CNTNAP3B: variants seen among roughly 807,000 people sequenced by gnomAD.
The protein encoded by CNTNAP3B is contactin-associated protein-like 3B.
In CNTNAP3B, 25 loss-of-function variants were observed where a neutral mutation model predicts 108.9. That is an observed-to-expected ratio of 0.23 (90% CI 0.17 to 0.32). The LOEUF (loss-of-function observed/expected upper bound fraction) is 0.32. CNTNAP3B is among the 10% of genes least tolerant of loss of function. The pLI, the probability that CNTNAP3B is intolerant of heterozygous loss-of-function variation, is 1.00. For synonymous variants in CNTNAP3B, 103 were observed against 473.4 expected (o/e 0.22, Z 10.16); for missense variants, 252 against 1,210.4 (o/e 0.21, Z 11.75).
chr9:41,961,881 G>C (rs1825103258), intron 11 of CNTNAP3B, among the ~76,000 whole-genome samples: 1 of 152,304 alleles, frequency 6.6e-6, no homozygotes, highest in African/African-American at 2.4e-5. Context: ...ATCTGCAGGA[G>C]ATGGACATTG....
chr9:41,951,998 A>T (rs1319383621), intron 13 of CNTNAP3B, among the ~76,000 whole-genome samples: 2 of 152,242 alleles, frequency 1.3e-5, no homozygotes, highest in Non-Finnish European at 2.9e-5. Context: ...AATCGCTTGA[A>T]TCCGGGAGGG....
At chr9:41,924,750 T>C (rs1324257022) in intron 15 of CNTNAP3B, among the ~76,000 whole-genome samples, 1 of 152,194 alleles carries the variant, frequency 6.6e-6, no homozygotes, top group African/African-American at 2.4e-5. Context: ...ATTTGTTCCC[T>C]TCTGTCCAAA....
intron 13 of CNTNAP3B, among the ~76,000 whole-genome samples, chr9:41,939,017 C>T (rs1016221180): frequency 6.6e-6 from 1 of 152,246 alleles, no homozygotes; most frequent in African/African-American, 2.4e-5. Context: ...TGCCCTGGGT[C>T]AACTACAGCT....
chr9:42,083,927 AG>A (rs1442516081), intron 2 of CNTNAP3B, among the ~76,000 whole-genome samples: 1 of 112,912 alleles, frequency 8.9e-6, no homozygotes, highest in Admixed American at 9.1e-5. Context: ...CCTACTGTGC[AG>A]GCTGGTGGGA....
At chr9:41,942,236 G>A (rs1244136390) in intron 13 of CNTNAP3B, among the ~76,000 whole-genome samples, 1 of 152,304 alleles carries the variant, frequency 6.6e-6, no homozygotes, top group Non-Finnish European at 1.5e-5. Flanking sequence ...AGCACTTTGG[G>A]AGGCCGAGGC....
intron 2 of CNTNAP3B, among the ~76,000 whole-genome samples, chr9:42,097,528 C>G (rs1473544320): frequency 5.7e-5 from 8 of 139,854 alleles, no homozygotes; most frequent in Non-Finnish European, 9.2e-5. Context: ...TTCCATAAAG[C>G]AGGAACTTTC....
chr9:42,098,726 T>C (rs1446940816), intron 2 of CNTNAP3B, among the ~76,000 whole-genome samples: 1 of 122,424 alleles, frequency 8.2e-6, no homozygotes, highest in Non-Finnish European at 1.7e-5. Context: ...TCATATTCAC[T>C]GAATACAAGT....
chr9:41,995,496 G>A lies in CNTNAP3B; in HGVS notation c.1071+709C>T, dbSNP rs1250254701. ...TGCGCCTGTGGTCCTATCACTTTGGGAGGCCAAGGTGGGCAGATCACGAGG... is the reference window on the plus strand; with the variant it reads ...TGCGCCTGTGGTCCTATCACTTTGGAAGGCCAAGGTGGGCAGATCACGAGG... On this transcript the variant is annotated intron_variant, in intron 7 of 23. Coordinates refer to ENST00000377561, the MANE Select transcript of CNTNAP3B (RefSeq NM_001201380.3). Among the ~76,000 whole-genome samples, 4 of 134,352 alleles carry A rather than the reference G, an allele frequency of 3.0e-5. 1 individual carries two copies. Among genetic ancestry groups the A allele is most frequent in the Non-Finnish European group, 6.3e-5 (4 of 63,544 alleles). 88.1% of individuals were successfully genotyped at this position (134,352 alleles called of 152,430 possible). A position where few individuals can be genotyped will look rare whatever the true frequency, so the allele number is the denominator to read the frequency against.
chr9:42,096,891 A>G lies in CNTNAP3B; in HGVS notation c.196+7738T>C, dbSNP rs1430359738. Reference sequence around the variant, plus strand: ...ACTAACTTTGTGATGGATTTTAGACATTCCTAGTCCGTAACAGTGGCATGA... The same window carrying G: ...ACTAACTTTGTGATGGATTTTAGACGTTCCTAGTCCGTAACAGTGGCATGA... On this transcript the variant is annotated intron_variant, in intron 2 of 23. Transcript: ENST00000377561. Among the ~76,000 whole-genome samples, 6 of 126,052 alleles carry G rather than the reference A, an allele frequency of 4.8e-5. 2 individuals carry two copies. The East Asian group carries it at 1.5e-3, about 31-fold the overall frequency. 82.7% of individuals were successfully genotyped at this position (126,052 alleles called of 152,430 possible).
chr9:41,943,345 ATTTTTT>A lies in CNTNAP3B; in HGVS notation c.2081-4951_2081-4946del, dbSNP rs1165684239. On this transcript the variant is annotated intron_variant, in intron 13 of 23. Coordinates refer to ENST00000377561, the MANE Select transcript of CNTNAP3B (RefSeq NM_001201380.3). ...ATAATATCCAAACTGTTGGACAATA[ATTTTTT>A]TTTTTTTTTTTTTTTTTTTGAGATG... 5.7e-3 allele frequency among the ~76,000 whole-genome samples: 755 copies of A among 132,474 alleles called. 2 individuals carry two copies. Among genetic ancestry groups the A allele is most frequent in the African/African-American group, 0.015 (517 of 34,792 alleles). 86.9% of individuals were successfully genotyped at this position (132,474 alleles called of 152,430 possible). A position where few individuals can be genotyped will look rare whatever the true frequency, so the allele number is the denominator to read the frequency against.
chr9:41,966,123 G>C (rs1215498763), intron 10 of CNTNAP3B, among the ~76,000 whole-genome samples: 14 of 152,218 alleles, frequency 9.2e-5, no homozygotes, highest in African/African-American at 3.4e-4. Context: ...AGGTTGGCTG[G>C]GGTGGGGGCC....
intron 3 of CNTNAP3B, among the ~76,000 whole-genome samples, chr9:42,043,254 G>A (rs1176332660): frequency 8.4e-5 from 9 of 107,040 alleles, no homozygotes; most frequent in South Asian, 2.9e-4. Flanking sequence ...TGCAACCTCC[G>A]CCTCCTGGGT....
intron 1 of CNTNAP3B, among the ~76,000 whole-genome samples, chr9:42,118,345 A>C (rs969138965): frequency 4.3e-5 from 6 of 139,978 alleles, no homozygotes; most frequent in Non-Finnish European, 9.2e-5. Flanking sequence ...AGCGGGCTTC[A>C]GCCCTGGGAC....
intron 14 of CNTNAP3B, among the ~76,000 whole-genome samples, chr9:41,934,493 T>G (rs1385432839): frequency 6.6e-6 from 1 of 152,268 alleles, no homozygotes; most frequent in Non-Finnish European, 1.5e-5. Context: ...AGTGCTGGGA[T>G]TACAGGCGTG....
chr9:42,123,732 G>A (rs1447521472), intron 1 of CNTNAP3B, among the ~76,000 whole-genome samples: 1 of 137,992 alleles, frequency 7.2e-6, no homozygotes, highest in Non-Finnish European at 1.5e-5. Context: ...ACGGGATTTA[G>A]TTACAAAATA....
chr9:42,043,050 A>G (rs988826207), intron 3 of CNTNAP3B, among the ~76,000 whole-genome samples: 2 of 149,222 alleles, frequency 1.3e-5, no homozygotes, highest in African/African-American at 2.5e-5. Context: ...TACTTCCTTA[A>G]GCCCTTTGCT....
chr9:42,054,604 A>T (rs535313863), intron 3 of CNTNAP3B, among the ~76,000 whole-genome samples: 3,580 of 150,316 alleles, frequency 0.024, 47 homozygotes, highest in African/African-American at 0.085. Flanking sequence ...TCTGCACCAC[A>T]TCACGTGATG....
intron 14 of CNTNAP3B, among the ~76,000 whole-genome samples, chr9:41,935,047 G>A (rs1202286554): frequency 2.6e-5 from 4 of 152,120 alleles, no homozygotes; most frequent in Non-Finnish European, 5.9e-5. Flanking sequence ...GTATATTTTA[G>A]AGAATATATT....
At chr9:41,927,573 C>T (rs1390638392) in intron 15 of CNTNAP3B, among the ~76,000 whole-genome samples, 31 of 150,470 alleles carry the variant, frequency 2.1e-4, no homozygotes, top group Non-Finnish European at 4.1e-4. Flanking sequence ...AAGGAAGGAG[C>T]CATCTGAATG....
Sources: gnomAD v4.1 joint callset for allele counts (sites outside exome capture counted in the v4.1 genomes callset) on GRCh38, gnomAD v4.1.1 for gene constraint, MANE v1.5 for transcripts, NCBI Gene and HGNC (gene_info 2026-07-23, HGNC 2026-07-21) for gene names.